The following ASAP1 variants were observed in gnomAD, a reference collection of about 807,000 sequenced individuals.
The protein encoded by ASAP1 is arf-GAP with SH3 domain, ANK repeat and PH domain-containing protein 1.
Under a neutral mutation model 145.2 loss-of-function variants are expected in ASAP1, and 43 were observed. The ratio of observed to expected loss-of-function variants is 0.30; its 90% confidence interval spans 0.23 to 0.38. The LOEUF (loss-of-function observed/expected upper bound fraction) is 0.38, where lower values mean the gene tolerates loss of function less well. Ranked by LOEUF, ASAP1 falls within the 10% of genes least tolerant of loss-of-function variation. The pLI is 1.00. For synonymous variants in ASAP1, 546 were observed against 515.5 expected (o/e 1.06, Z -0.80); for missense variants, 1,018 against 1,355.3 (o/e 0.75, Z 3.91).
intron 5 of ASAP1, among the ~76,000 whole-genome samples, chr8:130,211,668 T>C (rs1816591747): frequency 6.6e-6 from 1 of 152,244 alleles, no homozygotes; most frequent in Non-Finnish European, 1.5e-5. Flanking sequence ...AAATAAGTAA[T>C]GATTTAGTAT....
At chr8:130,360,100 G>C (rs1018615575) in intron 2 of ASAP1, among the ~76,000 whole-genome samples, 2 of 152,214 alleles carry the variant, frequency 1.3e-5, no homozygotes, top group African/African-American at 4.8e-5. Context: ...TATGTGCCCT[G>C]GAGATTGAGT....
At chr8:130,369,784 G>A (rs1453805580) in intron 2 of ASAP1, among the ~76,000 whole-genome samples, 1 of 152,198 alleles carries the variant, frequency 6.6e-6, no homozygotes, top group Non-Finnish European at 1.5e-5. Context: ...ATGTAAAATG[G>A]TGGAGTAGCT....
chr8:130,099,363 G>C (rs1254891831), intron 24 of ASAP1, among the ~76,000 whole-genome samples: 1 of 151,920 alleles, frequency 6.6e-6, no homozygotes. Flanking sequence ...TGTATTTTTA[G>C]TAGAGACGGG....
At chr8:130,373,357 C>A (rs757800438) in intron 2 of ASAP1, among the ~76,000 whole-genome samples, 3 of 152,068 alleles carry the variant, frequency 2.0e-5, no homozygotes, top group Non-Finnish European at 2.9e-5. Flanking sequence ...AGTTTTTAGA[C>A]CTTCAACAAA....
In ASAP1 at chr8:130,291,184, C is replaced by T. The variant is rs182132733; in HGVS notation, c.187-54190G>A. Among the ~76,000 whole-genome samples, 18 of 152,302 alleles carry T rather than the reference C, an allele frequency of 1.2e-4. No individual in the cohort carries two copies. The East Asian group carries it at 3.3e-3, about 28-fold the overall frequency. On this transcript the variant is annotated intron_variant, in intron 3 of 29. Coordinates refer to ENST00000518721, the MANE Select transcript of ASAP1 (RefSeq NM_018482.4). ...GTATGTAAATGGAAACATTACAGAA[C>T]ACTCTTAGAATGTGAATGTCAAATT... is the stretch of plus-strand genomic sequence containing the variant.
intron 3 of ASAP1, among the ~76,000 whole-genome samples, chr8:130,302,214 T>C (rs1268993548): frequency 6.6e-6 from 1 of 152,254 alleles, no homozygotes; most frequent in African/African-American, 2.4e-5. Flanking sequence ...AAAAAGGCAT[T>C]GATTGTCCAG....
chr8:130,152,739 G>A lies in ASAP1; in HGVS notation c.1077C>T (p.Ala359=), dbSNP rs779335864. The A allele has an allele frequency of 6.2e-7, 1 of 1,608,720 alleles. No homozygotes were observed. Among genetic ancestry groups the A allele is most frequent in the African/African-American group, 1.3e-5 (1 of 74,648 alleles). ...GTAAATTAAGAAACATACTTACTGT[G>A]GCATGTGAGATGGTCAGAATCCCAT... ...VKNGILTISH[A]TSNRQPAKLN... The change falls in exon 13 of 30, where the codon GCC becomes GCT. Residue 359 remains alanine, a synonymous_variant. Transcript: ENST00000518721.
intron 9 of ASAP1, among the ~76,000 whole-genome samples, chr8:130,176,569 A>T (rs1359458229): frequency 6.6e-6 from 1 of 152,198 alleles, no homozygotes; most frequent in Admixed American, 6.5e-5. Context: ...TTCGTCTACC[A>T]GATTGCAATC....
chr8:130,320,890 C>G (rs1242471379), intron 3 of ASAP1, among the ~76,000 whole-genome samples: 1 of 152,180 alleles, frequency 6.6e-6, no homozygotes, highest in Non-Finnish European at 1.5e-5. Flanking sequence ...GTGCAACATG[C>G]CCAGTCTTCG....
At chr8:130,286,169 T>C (rs1484488208) in intron 3 of ASAP1, among the ~76,000 whole-genome samples, 1 of 152,196 alleles carries the variant, frequency 6.6e-6, no homozygotes, top group African/African-American at 2.4e-5. Context: ...GTTCTCACAG[T>C]ATCAAATGGC....
intron 2 of ASAP1, among the ~76,000 whole-genome samples, chr8:130,390,941 C>CT (rs1001742297): frequency 2.5e-5 from 3 of 121,924 alleles, no homozygotes; most frequent in African/African-American, 8.2e-5. Flanking sequence ...TATCCCCCGC[C>CT]CCCCCAAAAT....
intron 3 of ASAP1, among the ~76,000 whole-genome samples, chr8:130,310,865 G>A (rs1178475775): frequency 6.6e-6 from 1 of 152,128 alleles, no homozygotes; most frequent in Admixed American, 6.5e-5. Flanking sequence ...AAATAAACAA[G>A]CTTAACATGA....
intron 1 of ASAP1, among the ~76,000 whole-genome samples, chr8:130,417,040 C>G (rs112497046): frequency 0.043 from 6,535 of 152,290 alleles, 243 homozygotes; most frequent in African/African-American, 0.099. Flanking sequence ...GAAGTGCAAC[C>G]CATGTACAAC....
intron 9 of ASAP1, among the ~76,000 whole-genome samples, chr8:130,174,464 T>C (rs1232440236): frequency 6.6e-6 from 1 of 152,034 alleles, no homozygotes; most frequent in Non-Finnish European, 1.5e-5. Context: ...ACAGTAACAG[T>C]AATGGCAGCT....
chr8:130,422,274 C>G lies in ASAP1; in HGVS notation c.-27-20304G>C, dbSNP rs535194107. ...GGAAGAAGGGGGCGTGGAGATGAAG[C>G]CGATGAGGACTCTGGAGCCAGACCA... On this transcript the variant is annotated intron_variant, in intron 1 of 29. Coordinates refer to ENST00000518721, the MANE Select transcript of ASAP1 (RefSeq NM_018482.4). Among the ~76,000 whole-genome samples, 31 of 152,242 alleles carry G rather than the reference C, an allele frequency of 2.0e-4. No homozygotes were observed. The South Asian group carries it at 6.4e-3, about 32-fold the overall frequency.
chr8:130,101,935 G>A (rs1246276483), intron 24 of ASAP1, among the ~76,000 whole-genome samples: 1 of 151,756 alleles, frequency 6.6e-6, no homozygotes, highest in Non-Finnish European at 1.5e-5. Context: ...ATTTTTGTAT[G>A]TTGATTTTGT....
chr8:130,060,073 C>A (rs2097414897), intron 28 of ASAP1, among the ~76,000 whole-genome samples: 1 of 70,752 alleles, frequency 1.4e-5, no homozygotes. Flanking sequence ...GCGAGCCCTT[C>A]TCAAAAAAAA....
At chr8:130,105,583 A>C (rs1234392090) in intron 24 of ASAP1, among the ~76,000 whole-genome samples, 2 of 152,206 alleles carry the variant, frequency 1.3e-5, no homozygotes, top group Non-Finnish European at 2.9e-5. Context: ...ATTCCTCCTA[A>C]CTGATCTAAT....
At chr8:130,076,574 T>C (rs1008018172) in intron 26 of ASAP1, among the ~76,000 whole-genome samples, 168 bp from the exon 27 acceptor site, 2 of 151,980 alleles carry the variant, frequency 1.3e-5, no homozygotes, top group South Asian at 2.1e-4. Context: ...CAGGCTGGAG[T>C]GTAGTGGCGC....
Sources: gnomAD v4.1 joint callset for allele counts (sites outside exome capture counted in the v4.1 genomes callset) on GRCh38, gnomAD v4.1.1 for gene constraint, MANE v1.5 for transcripts, NCBI Gene and HGNC (gene_info 2026-07-23, HGNC 2026-07-21) for gene names.